PARP4: variants seen among roughly 807,000 people sequenced by gnomAD.
PARP4 encodes poly(ADP-ribose) polymerase family member 4.
In PARP4, 120 loss-of-function variants were observed where a neutral mutation model predicts 187.7. The observed-to-expected ratio is 0.64, with a 90% CI of 0.55 to 0.74. The LOEUF (loss-of-function observed/expected upper bound fraction) is 0.74. Ranked by LOEUF, PARP4 falls within the 30% of genes least tolerant of loss-of-function variation. The pLI, the probability that PARP4 is intolerant of heterozygous loss-of-function variation, is 0.00. For missense variants in PARP4, 1,836 were observed against 2,070.5 expected, an observed-to-expected ratio of 0.89 and a Z score of 2.20; for synonymous variants, 654 against 740.9, an observed-to-expected ratio of 0.88 and a Z score of 1.90.
At chr13:24,471,916 T>C (rs1872742468) in intron 15 of PARP4, among the ~76,000 whole-genome samples, 1 of 152,138 alleles carries the variant, frequency 6.6e-6, no homozygotes, top group Admixed American at 6.5e-5. Context: ...ATTTTACACA[T>C]GAGGAAAACG....
Position 24,420,947 on chromosome 13 carries a change from T to C in PARP4, c.*172A>G, listed in dbSNP as rs1406983542. ...AAACTGAAATATTTTAAGTTTCATT[T>C]TATTATTGCTTGTTAGTTGATTAAA... On this transcript the variant is annotated 3_prime_UTR_variant, in exon 34 of 34. Coordinates refer to ENST00000381989, the MANE Select transcript of PARP4 (RefSeq NM_006437.4). 1 of 748,602 alleles carries C rather than the reference T, an allele frequency of 1.3e-6. No homozygotes were observed. The highest frequency in any genetic ancestry group is 3.6e-5 in the East Asian group (1 of 28,042). 46.4% of individuals were successfully genotyped at this position (748,602 alleles called of 1,614,324 possible). A position where few individuals can be genotyped will look rare whatever the true frequency, so the allele number is the denominator to read the frequency against.
At chr13:24,426,714 T>G in intron 32 of PARP4, 116 bp from the exon 33 acceptor site, 5 of 895,376 alleles carry the variant, frequency 5.6e-6, no homozygotes, top group Non-Finnish European at 8.5e-6. Context: ...ACAATGAAAC[T>G]CCATCTCTGC....
At chr13:24,510,447 G>C (rs1190753720) in intron 1 of PARP4, among the ~76,000 whole-genome samples, 1 of 149,506 alleles carries the variant, frequency 6.7e-6, no homozygotes, top group Non-Finnish European at 1.5e-5. Flanking sequence ...CCAGCTACTT[G>C]GGAGGCTGAG....
At chr13:24,453,254 C>CT (rs774345230) in intron 23 of PARP4, among the ~76,000 whole-genome samples, 124 of 145,438 alleles carry the variant, frequency 8.5e-4, no homozygotes, top group African/African-American at 2.5e-3. Flanking sequence ...TTCTTTCTTT[C>CT]TTTTTTTTTT....
chr13:24,499,493 ACACATGGTAAGTC>A (rs916479933), intron 4 of PARP4, 117 bp from the exon 5 acceptor site: 24 of 768,546 alleles, frequency 3.1e-5, no homozygotes, highest in Non-Finnish European at 3.9e-5. Context: ...TCCTTACAAA[ACACATGGTAAGTC>A]CACATGGTAA....
At chr13:24,505,521 G>A (rs1375140982) in intron 1 of PARP4, among the ~76,000 whole-genome samples, 1 of 151,626 alleles carries the variant, frequency 6.6e-6, no homozygotes, top group African/African-American at 2.4e-5. Context: ...TGGTTAGGAA[G>A]GATGTTTCTC....
chr13:24,434,847 G>T lies in PARP4; in HGVS notation c.4294C>A (p.Leu1432Met), dbSNP rs139233433. The change falls in exon 31 of 34, where the codon CTG becomes ATG. Residue 1432 changes from leucine (L) to methionine (M), a missense_variant. Transcript: ENST00000381989. ...TRPSAGTFPE[L>M]DSPQLHFSLP... ...GAGAAATGAAGCTGGGGAGAATCCA[G>T]CTCAGGGAAGGTGCCAGCAGAAGGC... 1.2e-6 allele frequency: 2 copies of T among 1,614,008 alleles called. No homozygotes were observed. The highest frequency in any genetic ancestry group is 1.7e-6 in the Non-Finnish European group (2 of 1,179,972).
intron 1 of PARP4, among the ~76,000 whole-genome samples, chr13:24,506,921 A>G (rs118023494): frequency 0.079 from 12,035 of 152,232 alleles, 645 homozygotes; most frequent in Non-Finnish European, 0.12. Context: ...GAGCTCAGAC[A>G]TGGCGGGCTG....
In PARP4 at chr13:24,434,630, G is replaced by C. The variant is rs1420294882; in HGVS notation, c.4511C>G (p.Ser1504Ter). The change falls in exon 31 of 34, where the codon TCA becomes TGA. Residue 1504 changes from serine (S) to a stop codon, truncating the protein, a stop_gained. Coordinates refer to ENST00000381989, the MANE Select transcript of PARP4 (RefSeq NM_006437.4). LOFTEE classifies it high-confidence loss of function. ...TPVDLCLLEE[S>*]VGSLEGSRCP... ...TCGACTTCCTTCGAGACTGCCTACT[G>C]ATTCTTCTAGAAGACAGAGATCTAC... The C allele has an allele frequency of 6.2e-7, 1 of 1,612,442 alleles. No homozygotes were observed. Among genetic ancestry groups the C allele is most frequent in the African/African-American group, 1.3e-5 (1 of 74,870 alleles).
chr13:24,442,346 T>C (rs2137453619), intron 29 of PARP4, among the ~76,000 whole-genome samples: 2 of 152,412 alleles, frequency 1.3e-5, no homozygotes, highest in Admixed American at 1.3e-4. Flanking sequence ...ATTAGCCAAT[T>C]GTTAATAATA....
At chr13:24,452,372 G>C (rs1325528408) in intron 24 of PARP4, 34 bp downstream of exon 24, 1 of 1,577,388 alleles carries the variant, frequency 6.3e-7, no homozygotes, top group Admixed American at 1.7e-5. Context: ...CTCCCCGTGG[G>C]TCTGGACTAT....
intron 30 of PARP4, among the ~76,000 whole-genome samples, chr13:24,440,365 T>C (rs1870858125): frequency 2.3e-5 from 3 of 130,806 alleles, no homozygotes; most frequent in Non-Finnish European, 4.6e-5. Flanking sequence ...GCCACTGCAC[T>C]CAACCCTGGG....
At chr13:24,499,503 A>G (rs1346078011) in intron 4 of PARP4, 127 bp from the exon 5 acceptor site, 3 of 724,222 alleles carry the variant, frequency 4.1e-6, no homozygotes, top group Admixed American at 7.3e-5. Flanking sequence ...ACACATGGTA[A>G]GTCCACATGG....
intron 25 of PARP4, among the ~76,000 whole-genome samples, chr13:24,448,131 G>T (rs1871305362): frequency 6.6e-6 from 1 of 152,130 alleles, no homozygotes; most frequent in South Asian, 2.1e-4. Context: ...GATGGCTTGA[G>T]ACCAGGATGT....
chr13:24,483,492 C>CA (rs745935813), intron 12 of PARP4, among the ~76,000 whole-genome samples: 28,541 of 107,732 alleles, frequency 0.26, 3,760 homozygotes, highest in African/African-American at 0.4. Context: ...GACTCCGTCT[C>CA]AAAAAAAAAA....
chr13:24,512,415 G>A (rs575606398), intron 1 of PARP4, among the ~76,000 whole-genome samples: 68 of 152,368 alleles, frequency 4.5e-4, no homozygotes, highest in African/African-American at 1.6e-3. Context: ...ACCGCACGGG[G>A]TGCGGAGACT....
intron 6 of PARP4, among the ~76,000 whole-genome samples, chr13:24,496,978 G>A (rs1410933603): frequency 6.6e-6 from 1 of 151,988 alleles, no homozygotes; most frequent in Non-Finnish European, 1.5e-5. Context: ...AGCCGAGATC[G>A]CACCACTGCA....
chr13:24,487,007 A>T lies in PARP4; in HGVS notation c.1215-702T>A, dbSNP rs376327603. 2.6e-5 allele frequency among the ~76,000 whole-genome samples: 4 copies of T among 151,752 alleles called. No individual in the cohort carries two copies. The East Asian group carries it at 5.8e-4, about 22-fold the overall frequency. The stretch of plus-strand genomic sequence containing the variant: ...CCGGGCATGGTGGCTCACCCCTGTA[A>T]CCCCAGCACTTTGGGAGGCTGTGGT... On this transcript the variant is annotated intron_variant, in intron 10 of 33. Transcript: ENST00000381989.
intron 1 of PARP4, among the ~76,000 whole-genome samples, chr13:24,506,348 C>T (rs914676570): frequency 6.6e-6 from 1 of 152,138 alleles, no homozygotes; most frequent in Non-Finnish European, 1.5e-5. Context: ...TGAGCAGCAA[C>T]AAAATTTACT....
Sources: allele counts gnomAD v4.1 joint callset (sites outside exome capture counted in the v4.1 genomes callset), GRCh38; gene constraint gnomAD v4.1.1; transcripts MANE v1.5; gene names NCBI Gene and HGNC (gene_info 2026-07-23, HGNC 2026-07-21).